Variants in ATP2C1 observed in about 807,000 individuals in gnomAD.
The protein encoded by ATP2C1 is calcium-transporting ATPase type 2C member 1.
Under a neutral mutation model 120.5 loss-of-function variants are expected in ATP2C1, and 31 were observed. The ratio of observed to expected loss-of-function variants is 0.26; its 90% CI spans 0.19 to 0.35. The LOEUF is 0.35. Ranked by LOEUF, ATP2C1 falls within the 10% of genes least tolerant of loss-of-function variation. The pLI, the probability that ATP2C1 is intolerant of heterozygous loss-of-function variation, is 1.00. For missense variants in ATP2C1, 731 were observed against 1,107.5 expected, an observed-to-expected ratio of 0.66 and a Z score of 4.83; for synonymous variants, 351 against 358.7, an observed-to-expected ratio of 0.98 and a Z score of 0.24.
At chr3:130,908,547 CAG>C (rs1197592089) in intron 2 of ATP2C1, among the ~76,000 whole-genome samples, 29 of 151,774 alleles carry the variant, frequency 1.9e-4, no homozygotes, top group Admixed American at 7.9e-4. Flanking sequence ...AAATAGTTAA[CAG>C]AGATTACTTC....
chr3:130,862,219 G>C (rs918789718), intron 1 of ATP2C1, among the ~76,000 whole-genome samples: 1 of 151,008 alleles, frequency 6.6e-6, no homozygotes, highest in African/African-American at 2.4e-5. Context: ...TCCTGACCTC[G>C]TGATCCCTAC....
intron 20 of ATP2C1, among the ~76,000 whole-genome samples, chr3:130,988,071 C>A (rs565254775): frequency 6.6e-6 from 1 of 152,228 alleles, no homozygotes; most frequent in African/African-American, 2.4e-5. Flanking sequence ...TCACCAAGTC[C>A]CCATATTATT....
chr3:130,987,166 A>T (rs1167989086), intron 20 of ATP2C1, among the ~76,000 whole-genome samples: 1 of 151,738 alleles, frequency 6.6e-6, no homozygotes, highest in African/African-American at 2.4e-5. Flanking sequence ...CTTTTTTGAA[A>T]GAAAGGATTT....
At chr3:130,951,101 A>T (rs535054420) in intron 8 of ATP2C1, among the ~76,000 whole-genome samples, 2 of 152,314 alleles carry the variant, frequency 1.3e-5, no homozygotes, top group South Asian at 4.1e-4. Context: ...CAAGCATTAA[A>T]TATGAGCTTG....
At chr3:130,954,005 C>G (rs773144554) in intron 9 of ATP2C1, 29 bp downstream of exon 9, 1 of 1,611,620 alleles carries the variant, frequency 6.2e-7, no homozygotes, top group South Asian at 1.1e-5. Flanking sequence ...TTGAAAAAAG[C>G]AGTTCCTTTG....
At chr3:130,925,396 G>A (rs1241205693) in intron 2 of ATP2C1, among the ~76,000 whole-genome samples, 2 of 152,140 alleles carry the variant, frequency 1.3e-5, no homozygotes, top group Non-Finnish European at 2.9e-5. Context: ...TAGTACTGGC[G>A]AGTGTCTGTA....
At chr3:130,867,809 C>A (rs2068240703) in intron 1 of ATP2C1, among the ~76,000 whole-genome samples, 1 of 113,834 alleles carries the variant, frequency 8.8e-6, no homozygotes, top group South Asian at 3.4e-4. Flanking sequence ...AAGTGAGGAG[C>A]GTCTCTGCCC....
intron 1 of ATP2C1, chr3:130,868,455 C>A (rs1244233813): frequency 9.7e-6 from 1 of 102,968 alleles, no homozygotes; most frequent in African/African-American, 3.6e-5. Flanking sequence ...CCAGCCGCCC[C>A]GTCCGGGAGG....
chr3:130,909,819 A>G (rs952477751), intron 2 of ATP2C1, among the ~76,000 whole-genome samples: 2 of 151,998 alleles, frequency 1.3e-5, no homozygotes, highest in Non-Finnish European at 2.9e-5. Context: ...CTGGTATGTT[A>G]GTAGTTGGTT....
At chr3:130,864,081 T>C (rs1239301267) in intron 1 of ATP2C1, among the ~76,000 whole-genome samples, 1 of 152,184 alleles carries the variant, frequency 6.6e-6, no homozygotes, top group Non-Finnish European at 1.5e-5. Flanking sequence ...TGGGAAAGTT[T>C]GGAACTTCCT....
intron 17 of ATP2C1, 93 bp from the exon 18 acceptor site, chr3:130,975,239 A>G: frequency 1.6e-6 from 2 of 1,266,788 alleles, no homozygotes; most frequent in Admixed American, 1.7e-5. Context: ...TTCTCTGGGA[A>G]TTATGAGAAA....
At chr3:130,979,441 T>C (rs746609144) in intron 19 of ATP2C1, 22 bp downstream of exon 19, 1 of 1,611,474 alleles carries the variant, frequency 6.2e-7, no homozygotes, top group Admixed American at 1.7e-5. Context: ...CTGCTTTCTT[T>C]TGTTTTCGAT....
At chr3:130,862,336 T>G (rs1305408885) in intron 1 of ATP2C1, among the ~76,000 whole-genome samples, 1 of 149,242 alleles carries the variant, frequency 6.7e-6, no homozygotes, top group East Asian at 1.9e-4. Flanking sequence ...ATTTATTTAT[T>G]TATTTATTTA....
chr3:130,913,464 G>A (rs2058539551), intron 2 of ATP2C1, among the ~76,000 whole-genome samples: 1 of 152,152 alleles, frequency 6.6e-6, no homozygotes, highest in Admixed American at 6.5e-5. Flanking sequence ...AAATTATGCA[G>A]TTTAGCTGTG....
At chr3:131,012,765 AG>A (rs1288947230) in intron 26 of ATP2C1, among the ~76,000 whole-genome samples, 2 of 152,296 alleles carry the variant, frequency 1.3e-5, no homozygotes, top group East Asian at 3.9e-4. Flanking sequence ...CCTTATTTCA[AG>A]AACTCTTATT....
intron 1 of ATP2C1, among the ~76,000 whole-genome samples, chr3:130,880,694 A>G (rs1318991048): frequency 1.3e-5 from 2 of 151,994 alleles, no homozygotes; most frequent in Admixed American, 6.6e-5. Context: ...CCCCTTTTTC[A>G]TTATCTATTT....
At chr3:130,940,473 A>C (rs1293988754) in intron 6 of ATP2C1, among the ~76,000 whole-genome samples, 157 bp from the exon 7 acceptor site, 2 of 152,232 alleles carry the variant, frequency 1.3e-5, no homozygotes, top group African/African-American at 4.8e-5. Context: ...TAACATTTTA[A>C]AATAAGGGAC....
At chr3:130,867,484 G>GT (rs1201419450) in intron 1 of ATP2C1, among the ~76,000 whole-genome samples, 3 of 149,644 alleles carry the variant, frequency 2.0e-5, no homozygotes, top group African/African-American at 7.4e-5. Flanking sequence ...TGGAGACGGG[G>GT]TTTCGCTGTG....
rs770955083 is a variant in ATP2C1, at chr3:130,956,128, A to G, written c.781A>G (p.Ser261Gly). The change falls in exon 11 of 28, where the codon AGC becomes GGC. Residue 261 changes from serine (S) to glycine (G), a missense_variant. Ser to Gly is a moderately conservative substitution (Grantham distance 56). Transcript: ENST00000510168. ...GGCACCAAAAACCCCTCTGCAGAAG[A>G]GCATGGACCTCTTAGGAAAACAACT... Reference protein sequence around the residue: ...EEAPKTPLQKSMDLLGKQLSF... With the variant: ...EEAPKTPLQKGMDLLGKQLSF... 1.2e-6 allele frequency: 2 copies of G among 1,610,970 alleles called. No individual in the cohort carries two copies. Among genetic ancestry groups the G allele is most frequent in the Non-Finnish European group, 1.7e-6 (2 of 1,177,396 alleles).
Sources: allele counts gnomAD v4.1 joint callset (sites outside exome capture counted in the v4.1 genomes callset), GRCh38; gene constraint gnomAD v4.1.1; transcripts MANE v1.5; gene names NCBI Gene and HGNC (gene_info 2026-07-23, HGNC 2026-07-21).